IMMP2L: variants seen among roughly 807,000 people sequenced by gnomAD.
The protein encoded by IMMP2L is mitochondrial inner membrane protease subunit 2.
IMMP2L carries 18 observed loss-of-function variants against 19.3 expected under a neutral mutation model. The ratio of observed to expected loss-of-function variants is 0.93; its 90% CI spans 0.64 to 1.38. The LOEUF is 1.38. IMMP2L is among the 40% of genes most tolerant of loss of function. The pLI is 0.00. For missense variants in IMMP2L, 233 were observed against 218.2 expected, an observed-to-expected ratio of 1.07 and a Z score of -0.43; for synonymous variants, 76 against 73.0, an observed-to-expected ratio of 1.04 and a Z score of -0.21.
At chr7:111,431,642 G>A (rs1836646659) in intron 3 of IMMP2L, among the ~76,000 whole-genome samples, 1 of 151,808 alleles carries the variant, frequency 6.6e-6, no homozygotes, top group South Asian at 2.1e-4. Flanking sequence ...CAAAAATGTG[G>A]TAGAAATAAT....
chr7:111,534,129 T>C (rs1301689655), intron 1 of IMMP2L, among the ~76,000 whole-genome samples: 2 of 152,134 alleles, frequency 1.3e-5, no homozygotes, highest in Non-Finnish European at 2.9e-5. Context: ...TATGGTAATA[T>C]GTACCAAAAT....
chr7:111,426,561 G>A (rs1836096889), intron 3 of IMMP2L, among the ~76,000 whole-genome samples: 1 of 150,982 alleles, frequency 6.6e-6, no homozygotes, highest in African/African-American at 2.4e-5. Flanking sequence ...CAGCAACTCT[G>A]CCCCCAAAAA....
intron 5 of IMMP2L, among the ~76,000 whole-genome samples, chr7:110,740,344 A>G (rs940932623): frequency 2.0e-5 from 3 of 152,194 alleles, no homozygotes; most frequent in Non-Finnish European, 4.4e-5. Flanking sequence ...AACCAAGAAG[A>G]CAGAGATCCA....
At chr7:111,269,770 C>T (rs1251868653) in intron 3 of IMMP2L, among the ~76,000 whole-genome samples, 1 of 151,962 alleles carries the variant, frequency 6.6e-6, no homozygotes, top group East Asian at 1.9e-4. Flanking sequence ...TAAAAGAAGA[C>T]CTATCAAATG....
intron 3 of IMMP2L, among the ~76,000 whole-genome samples, chr7:111,436,373 AG>A (rs1837163921): frequency 6.6e-6 from 1 of 151,828 alleles, no homozygotes; most frequent in South Asian, 2.1e-4. Context: ...CACTCTAAAA[AG>A]GTATACTTTT....
intron 1 of IMMP2L, among the ~76,000 whole-genome samples, chr7:111,523,060 A>C (rs1846511215): frequency 6.6e-6 from 1 of 151,874 alleles, no homozygotes; most frequent in South Asian, 2.1e-4. Context: ...TCATATATAG[A>C]ATCTAAATAG....
At chr7:111,338,668 T>C (rs936500456) in intron 3 of IMMP2L, among the ~76,000 whole-genome samples, 6 of 152,272 alleles carry the variant, frequency 3.9e-5, no homozygotes, top group Admixed American at 1.3e-4. Context: ...CACTGTAGTA[T>C]ATGCCTCTGA....
chr7:111,144,556 A>G (rs1384306478), intron 3 of IMMP2L, among the ~76,000 whole-genome samples: 1 of 152,058 alleles, frequency 6.6e-6, no homozygotes, highest in Non-Finnish European at 1.5e-5. Context: ...TACAGTTTTC[A>G]CTTCTTTTTC....
chr7:111,166,348 T>A (rs1283920873), intron 3 of IMMP2L, among the ~76,000 whole-genome samples: 1 of 152,018 alleles, frequency 6.6e-6, no homozygotes, highest in African/African-American at 2.4e-5. Flanking sequence ...ACTAAGAAAC[T>A]AGGATTCCTC....
At chr7:111,476,552 T>C (rs1380152260) in intron 3 of IMMP2L, among the ~76,000 whole-genome samples, 1 of 152,140 alleles carries the variant, frequency 6.6e-6, no homozygotes, top group Non-Finnish European at 1.5e-5. Flanking sequence ...TAGATCCTCT[T>C]CTTAAGATCT....
At chr7:111,316,686 T>C (rs760455269) in intron 3 of IMMP2L, among the ~76,000 whole-genome samples, 20 of 152,050 alleles carry the variant, frequency 1.3e-4, no homozygotes, top group Non-Finnish European at 2.5e-4. Context: ...GGACATCCGA[T>C]AGTCAAAATG....
At chr7:111,360,496 C>T (rs961436193) in intron 3 of IMMP2L, among the ~76,000 whole-genome samples, 8 of 152,000 alleles carry the variant, frequency 5.3e-5, no homozygotes, top group Admixed American at 1.3e-4. Context: ...TGTTTGTATT[C>T]GGCCAGATAT....
At chr7:111,392,647 A>T (rs37675) in intron 3 of IMMP2L, among the ~76,000 whole-genome samples, 35,007 of 152,036 alleles carry the variant, frequency 0.23, 5,976 homozygotes, top group African/African-American at 0.48. Context: ...TAGCATCAGA[A>T]TTTTTAGTGC....
chr7:110,989,532 A>C (rs891911145), intron 3 of IMMP2L, among the ~76,000 whole-genome samples: 5 of 125,346 alleles, frequency 4.0e-5, no homozygotes, highest in South Asian at 2.8e-4. Flanking sequence ...TCTGTCTCCC[A>C]AAAAAAAAAA....
At chr7:110,818,462 C>A (rs1329056657) in intron 5 of IMMP2L, among the ~76,000 whole-genome samples, 1 of 152,042 alleles carries the variant, frequency 6.6e-6, no homozygotes, top group East Asian at 1.9e-4. Context: ...AGTCAGGAAA[C>A]AACAGGTGCT....
At chr7:110,910,133 A>T (rs1037097089) in intron 4 of IMMP2L, among the ~76,000 whole-genome samples, 2 of 152,156 alleles carry the variant, frequency 1.3e-5, no homozygotes, top group Non-Finnish European at 2.9e-5. Flanking sequence ...AGTATACAGG[A>T]ACGATGCATG....
Position 111,289,042 on chromosome 7 carries a change from G to A in IMMP2L, c.239+198196C>T, listed in dbSNP as rs1584469603. 2.6e-5 allele frequency among the ~76,000 whole-genome samples: 4 copies of A among 152,082 alleles called. 1 individual carries two copies. The highest frequency in any genetic ancestry group is 1.9e-4 in the East Asian group (1 of 5,194). On this transcript the variant is annotated intron_variant, in intron 3 of 5. Transcript: ENST00000405709. ...CCAAATGCCCATCAATGATAGACTGGATAAAGAAAATGTGGCACATATACA... is the reference window on the plus strand; with the variant it reads ...CCAAATGCCCATCAATGATAGACTGAATAAAGAAAATGTGGCACATATACA...
intron 5 of IMMP2L, among the ~76,000 whole-genome samples, chr7:110,750,129 A>G (rs964743136): frequency 2.0e-5 from 3 of 152,096 alleles, no homozygotes; most frequent in African/African-American, 7.2e-5. Context: ...ATAGTTAAAA[A>G]TCTCTGTGGT....
intron 3 of IMMP2L, among the ~76,000 whole-genome samples, chr7:111,227,587 T>C (rs1294589809): frequency 6.6e-6 from 1 of 152,138 alleles, no homozygotes; most frequent in East Asian, 1.9e-4. Context: ...AATAAATGTG[T>C]CTACAAAATT....
Sources: allele counts gnomAD v4.1 joint callset (sites outside exome capture counted in the v4.1 genomes callset), GRCh38; gene constraint gnomAD v4.1.1; transcripts MANE v1.5; gene names NCBI Gene and HGNC (gene_info 2026-07-23, HGNC 2026-07-21).